MTUS2: variants seen among roughly 807,000 people sequenced by gnomAD.
MTUS2 encodes the protein microtubule associated scaffold protein 2, also known as microtubule-associated tumor suppressor candidate 2.
A neutral mutation model predicts 114.1 loss-of-function variants in MTUS2; 40 were observed. The observed-to-expected ratio is 0.35, with a 90% CI of 0.27 to 0.46. The LOEUF is 0.46. MTUS2 is among the 20% of genes least tolerant of loss of function. MTUS2 has a pLI of 1.00. For missense variants in MTUS2, 1,679 were observed against 1,705.4 expected, an observed-to-expected ratio of 0.98 and a Z score of 0.27; for synonymous variants, 688 against 672.0, an observed-to-expected ratio of 1.02 and a Z score of -0.37.
rs1213153937 is a variant in MTUS2 at position 29,026,253 on chromosome 13, A to G, written c.1555A>G (p.Ile519Val). 1.9e-6 allele frequency: 3 copies of G among 1,613,948 alleles called. No homozygotes were observed. In the Admixed American group the frequency reaches 5.0e-5, roughly 27 times the overall value. Residue 519 changes from isoleucine to valine, a missense_variant, in exon 3 of 16, where the codon ATT becomes GTT. Ile to Val is a conservative substitution (Grantham distance 29). This residue lies in a region of MTUS2 where 843 missense variants were observed against 770.8 expected (regional missense o/e 1.09). Coordinates refer to ENST00000612955, the MANE Select transcript of MTUS2 (RefSeq NM_001033602.4). ...NRNLLENADK[I>V]ESTSARADSV... ...GAACCTTCTAGAGAATGCAGATAAGATTGAAAGCACCTCAGCAAGAGCAGA... is the reference window on the plus strand; with the variant it reads ...GAACCTTCTAGAGAATGCAGATAAGGTTGAAAGCACCTCAGCAAGAGCAGA...
chr13:29,278,163 G>T (rs958480003), intron 5 of MTUS2, among the ~76,000 whole-genome samples: 1 of 152,096 alleles, frequency 6.6e-6, no homozygotes, highest in Non-Finnish European at 1.5e-5. Context: ...CATTCTAGGT[G>T]GATTGATGAT....
chr13:29,461,706 T>C (rs1026547096), intron 9 of MTUS2, among the ~76,000 whole-genome samples: 1 of 152,224 alleles, frequency 6.6e-6, no homozygotes, highest in Admixed American at 6.5e-5. Flanking sequence ...CCAGATATTC[T>C]ACCAGTGAGA....
chr13:28,994,236 T>A (rs1029795184), intron 2 of MTUS2, among the ~76,000 whole-genome samples: 11 of 122,228 alleles, frequency 9.0e-5, no homozygotes, highest in Non-Finnish European at 1.6e-4. Context: ...TGAACTCATG[T>A]TTTTTTATGG....
At chr13:29,195,644 GC>G (rs1266084902) in intron 5 of MTUS2, among the ~76,000 whole-genome samples, 5 of 151,194 alleles carry the variant, frequency 3.3e-5, no homozygotes, top group Admixed American at 6.6e-5. Flanking sequence ...AGAAAGGAAA[GC>G]CAGACGCCCT....
intron 4 of MTUS2, among the ~76,000 whole-genome samples, chr13:29,035,413 G>A (rs1887017241): frequency 6.6e-6 from 1 of 152,176 alleles, no homozygotes; most frequent in Non-Finnish European, 1.5e-5. Context: ...GAGCTTTAGA[G>A]GGCAAGGACT....
In MTUS2 at chr13:29,375,515, CTA is replaced by C. The variant is rs1357812821; in HGVS notation, c.3117+16063_3117+16064del. Reference sequence around the variant, plus strand: ...CCGCAATCACCTTTGCACCAGCCTACTATATATATATATATATATATACGTGT... The same window carrying C: ...CCGCAATCACCTTTGCACCAGCCTACTATATATATATATATATATACGTGT... On this transcript the variant is annotated intron_variant, in intron 8 of 15. Coordinates refer to ENST00000612955, the MANE Select transcript of MTUS2 (RefSeq NM_001033602.4). Among the ~76,000 whole-genome samples the C allele has an allele frequency of 1.1e-3, 6 of 5,696 alleles. 1 individual carries two copies. The highest frequency in any genetic ancestry group is 4.4e-3 in the Admixed American group (1 of 228). The allele number at this position is 5,696 out of a possible 152,430, so 3.7% of individuals were successfully genotyped here.
At chr13:29,318,391 C>CTTTTTTTTTTTTTTTTTTTTTT (rs71090240) in intron 6 of MTUS2, among the ~76,000 whole-genome samples, 7 of 135,072 alleles carry the variant, frequency 5.2e-5, no homozygotes, top group Admixed American at 7.7e-5. Context: ...ATTTCTTTTT[C>CTTTTTTTTTTTTTTTTTTTTTT]TTTTTTTTTT....
Position 28,958,719 on chromosome 13 carries a change from A to T in MTUS2, c.-242-65738A>T, listed in dbSNP as rs541542162. On this transcript the variant is annotated intron_variant, in intron 2 of 15. Transcript: ENST00000612955. The stretch of plus-strand genomic sequence containing the variant: ...ACAGGTCCCATTTAACATGACAGCA[A>T]ATGGAAGAGTGCGCATCACATAGCA... Among the ~76,000 whole-genome samples the T allele has an allele frequency of 2.0e-5, 3 of 152,312 alleles. No individual in the cohort carries two copies. The East Asian group carries it at 5.8e-4, about 29-fold the overall frequency.
chr13:28,910,023 C>G (rs1241773571), intron 2 of MTUS2, among the ~76,000 whole-genome samples: 2 of 152,132 alleles, frequency 1.3e-5, no homozygotes, highest in African/African-American at 2.4e-5. Flanking sequence ...AGCATTTATC[C>G]TTTGTGTTAC....
chr13:29,411,023 G>C (rs917631949), intron 8 of MTUS2, among the ~76,000 whole-genome samples: 1 of 152,116 alleles, frequency 6.6e-6, no homozygotes, highest in African/African-American at 2.4e-5. Context: ...GTAGAGGTGG[G>C]GTTTCGCCAT....
At chr13:28,921,142 A>G (rs1881020320) in intron 2 of MTUS2, among the ~76,000 whole-genome samples, 1 of 152,214 alleles carries the variant, frequency 6.6e-6, no homozygotes, top group African/African-American at 2.4e-5. Flanking sequence ...CCCACAGCTG[A>G]GAATTTGCTT....
At chr13:29,392,146 CAAAA>C (rs56797889) in intron 8 of MTUS2, among the ~76,000 whole-genome samples, 1 of 137,158 alleles carries the variant, frequency 7.3e-6, no homozygotes, top group Non-Finnish European at 1.5e-5. Flanking sequence ...AAAAACAAAC[CAAAA>C]AAAAAAAAAC....
intron 6 of MTUS2, among the ~76,000 whole-genome samples, chr13:29,313,379 C>CA (rs36116577): frequency 1.3e-5 from 2 of 151,780 alleles, no homozygotes; most frequent in African/African-American, 4.8e-5. Flanking sequence ...ATGGCTTGGG[C>CA]AAAAAAGCAC....
chr13:28,823,619 C>A (rs1405918647), intron 1 of MTUS2, among the ~76,000 whole-genome samples: 1 of 152,216 alleles, frequency 6.6e-6, no homozygotes, highest in African/African-American at 2.4e-5. Context: ...GGGCCTCAAC[C>A]TTGGCCCGTA....
intron 4 of MTUS2, among the ~76,000 whole-genome samples, chr13:29,077,647 G>C (rs754928359): frequency 2.6e-5 from 4 of 152,204 alleles, no homozygotes; most frequent in Non-Finnish European, 4.4e-5. Context: ...CAGATTGTCA[G>C]CCCTGGTAGG....
chr13:29,498,365 C>G, intron 13 of MTUS2, 53 bp from the exon 14 acceptor site: 1 of 1,609,570 alleles, frequency 6.2e-7, no homozygotes, highest in Non-Finnish European at 8.5e-7. Context: ...TTGGTTAATA[C>G]TGGGTTTTGC....
rs559474839 is a variant in MTUS2 at position 29,444,388 on chromosome 13, G to A, written c.3184+4339G>A. ...AGAGGTGACAGTGAGCCGAGATTGC[G>A]CCATTGTACTCCAGCCTGGGCAACA... is the stretch of plus-strand genomic sequence containing the variant. On this transcript the variant is annotated intron_variant, in intron 9 of 15. Coordinates refer to ENST00000612955, the MANE Select transcript of MTUS2 (RefSeq NM_001033602.4). Among the ~76,000 whole-genome samples, 330 of 152,318 alleles carry A rather than the reference G, an allele frequency of 2.2e-3. 1 individual carries two copies. Among genetic ancestry groups the A allele is most frequent in the African/African-American group, 7.6e-3 (315 of 41,578 alleles).
At position 29,360,697 on chromosome 13, in the gene MTUS2, C is replaced by G. The variant is rs542548149; in HGVS notation, c.3117+1224C>G. 5.2e-3 allele frequency among the ~76,000 whole-genome samples: 731 copies of G among 140,430 alleles called. 17 individuals carry two copies. Among genetic ancestry groups the G allele is most frequent in the South Asian group, 0.022 (81 of 3,716 alleles). 92.1% of individuals were successfully genotyped at this position (140,430 alleles called of 152,430 possible). The stretch of plus-strand genomic sequence containing the variant: ...CATAAAGTAGCCGAACACCCCCCCC[C>G]CCCCGTAAGAATTAAAGTTACAAAC... On this transcript the variant is annotated intron_variant, in intron 8 of 15. Coordinates refer to ENST00000612955, the MANE Select transcript of MTUS2 (RefSeq NM_001033602.4).
intron 2 of MTUS2, among the ~76,000 whole-genome samples, chr13:28,937,945 C>A (rs796331130): frequency 4.7e-4 from 72 of 152,276 alleles, no homozygotes; most frequent in African/African-American, 1.6e-3. Context: ...TATGGAGATT[C>A]CTAACCACTG....
Sources: allele counts gnomAD v4.1 joint callset (sites outside exome capture counted in the v4.1 genomes callset), GRCh38; gene constraint gnomAD v4.1.1; regional missense constraint gnomAD v4.1.1; transcripts MANE v1.5; gene names NCBI Gene and HGNC (gene_info 2026-07-23, HGNC 2026-07-21).